RBFOX1: variants seen among roughly 807,000 people sequenced by gnomAD.
RBFOX1 encodes RNA binding protein fox-1 homolog 1.
In RBFOX1, 8 loss-of-function variants were observed where a neutral mutation model predicts 57.7. That is an observed-to-expected ratio of 0.14 (90% CI 0.08 to 0.25). The LOEUF is 0.25. RBFOX1 is among the 10% of genes least tolerant of loss of function. The pLI, the probability that RBFOX1 is intolerant of heterozygous loss-of-function variation, is 1.00. For synonymous variants in RBFOX1, 326 were observed against 222.4 expected (o/e 1.47, Z -4.15); for missense variants, 611 against 548.5 (o/e 1.11, Z -1.14).
intron 2 of RBFOX1, among the ~76,000 whole-genome samples, chr16:5,531,113 A>T (rs1008868040): frequency 3.3e-5 from 5 of 151,098 alleles, no homozygotes; most frequent in Non-Finnish European, 5.9e-5. Flanking sequence ...TGAGAAGAGC[A>T]AGACTCTATC....
intron 3 of RBFOX1, among the ~76,000 whole-genome samples, chr16:6,916,259 A>C (rs1473225664): frequency 2.0e-5 from 3 of 152,154 alleles, no homozygotes; most frequent in Admixed American, 6.5e-5. Context: ...ATTAGCATCC[A>C]AGATGGAGTC....
At chr16:6,179,976 AGATGATCATAT>A (rs1409056370) in intron 1 of RBFOX1, among the ~76,000 whole-genome samples, 13 of 152,172 alleles carry the variant, frequency 8.5e-5, no homozygotes, top group African/African-American at 3.1e-4. Context: ...GCATCTGTTG[AGATGATCATAT>A]GGTGTATGTC....
intron 4 of RBFOX1, among the ~76,000 whole-genome samples, chr16:7,129,169 C>T (rs2069489416): frequency 1.3e-5 from 2 of 152,204 alleles, no homozygotes; most frequent in East Asian, 1.9e-4. Context: ...GGATTCAAAC[C>T]AGGAAAGTCT....
intron 4 of RBFOX1, among the ~76,000 whole-genome samples, chr16:7,471,599 C>G (rs1372081009): frequency 6.6e-6 from 1 of 152,120 alleles, no homozygotes; most frequent in South Asian, 2.1e-4. Flanking sequence ...ATAATAAATT[C>G]TGAGACGGGG....
intron 2 of RBFOX1, among the ~76,000 whole-genome samples, chr16:6,652,495 C>A (rs1383712779): frequency 6.6e-6 from 1 of 151,806 alleles, no homozygotes; most frequent in Non-Finnish European, 1.5e-5. Flanking sequence ...CTCTCTCTCT[C>A]AGAAAGTATA....
At chr16:5,640,797 C>G (rs11649322) in intron 3 of RBFOX1, among the ~76,000 whole-genome samples, 75,691 of 148,842 alleles carry the variant, frequency 0.51, 22,754 homozygotes, top group Non-Finnish European at 0.69. Context: ...TGCATACACA[C>G]ACATATACAC....
chr16:6,217,884 G>T (rs750756024), intron 1 of RBFOX1, among the ~76,000 whole-genome samples: 23 of 152,102 alleles, frequency 1.5e-4, no homozygotes, highest in African/African-American at 5.1e-4. Context: ...GTATGGTGGC[G>T]CATGATTGTT....
Position 5,296,797 on chromosome 16 carries a change from G to C in RBFOX1, c.219+56692G>C, listed in dbSNP as rs543322783. Among the ~76,000 whole-genome samples the C allele has an allele frequency of 4.6e-5, 7 of 151,688 alleles. No individual in the cohort carries two copies. In the East Asian group the frequency reaches 1.2e-3, roughly 25 times the overall value. On this transcript the variant is annotated intron_variant, in intron 1 of 2. Transcript: ENST00000585867. The stretch of plus-strand genomic sequence containing the variant: ...GGGTTCAAGCAATTCTCCTGTCTCA[G>C]CCTCCTTAGTAGCTGGGATTACAGG...
At chr16:6,291,210 A>T (rs1013009552) in intron 1 of RBFOX1, among the ~76,000 whole-genome samples, 10 of 152,112 alleles carry the variant, frequency 6.6e-5, no homozygotes, top group African/African-American at 2.4e-4. Context: ...TTTTGTGCCA[A>T]CCTCTTATCT....
chr16:6,952,684 T>C (rs1377164036), intron 3 of RBFOX1, among the ~76,000 whole-genome samples: 1 of 151,662 alleles, frequency 6.6e-6, no homozygotes, highest in Non-Finnish European at 1.5e-5. Flanking sequence ...GAAAAAAAAT[T>C]ATCCTTGGTA....
intron 3 of RBFOX1, among the ~76,000 whole-genome samples, chr16:5,824,884 C>G (rs919227869): frequency 6.6e-6 from 1 of 152,186 alleles, no homozygotes; most frequent in South Asian, 2.1e-4. Flanking sequence ...GGTTTACTTT[C>G]CTGGGGGACT....
At chr16:6,549,775 G>C (rs1044419647) in intron 2 of RBFOX1, among the ~76,000 whole-genome samples, 1 of 152,064 alleles carries the variant, frequency 6.6e-6, no homozygotes, top group East Asian at 1.9e-4. Flanking sequence ...AAATGAAATA[G>C]GCAGATGTAG....
At chr16:6,124,778 T>C (rs151172576) in intron 1 of RBFOX1, among the ~76,000 whole-genome samples, 1,567 of 152,262 alleles carry the variant, frequency 0.01, 10 homozygotes, top group Non-Finnish European at 0.016. Context: ...TCTGCCCGCC[T>C]TGGCCTTCCA....
At chr16:7,567,524 TCCCTATGTATGG>T (rs2092123044) in intron 5 of RBFOX1, among the ~76,000 whole-genome samples, 2 of 122,732 alleles carry the variant, frequency 1.6e-5, no homozygotes, top group Non-Finnish European at 3.5e-5. Context: ...TATATATATA[TCCCTATGTATGG>T]CCCTATATGT....
At chr16:5,900,599 C>A (rs925916336) in intron 4 of RBFOX1, among the ~76,000 whole-genome samples, 1 of 152,180 alleles carries the variant, frequency 6.6e-6, no homozygotes, top group Non-Finnish European at 1.5e-5. Flanking sequence ...AGTTCCTCAT[C>A]CGTATTCTTC....
intron 2 of RBFOX1, among the ~76,000 whole-genome samples, chr16:6,360,753 T>C (rs2152867260): frequency 6.6e-6 from 1 of 152,296 alleles, no homozygotes. Context: ...AGCTATTCAT[T>C]TGTTTTTCTC....
intron 2 of RBFOX1, among the ~76,000 whole-genome samples, chr16:6,393,479 C>G (rs1182229275): frequency 1.3e-5 from 2 of 152,190 alleles, no homozygotes; most frequent in African/African-American, 4.8e-5. Context: ...TTTGCAAATT[C>G]TGATCCATGC....
intron 2 of RBFOX1, among the ~76,000 whole-genome samples, chr16:6,512,307 GA>G (rs2096272156): frequency 9.8e-6 from 1 of 102,126 alleles, no homozygotes; most frequent in Non-Finnish European, 2.1e-5. Flanking sequence ...AAAGGTAAGA[GA>G]AAAAGAGATT....
At chr16:7,633,711 C>G (rs1345333173) in intron 11 of RBFOX1, among the ~76,000 whole-genome samples, 2 of 152,130 alleles carry the variant, frequency 1.3e-5, no homozygotes, top group Admixed American at 6.5e-5. Context: ...CTCTGAGACC[C>G]CTCCCTCTCC....
Sources: gnomAD v4.1 joint callset for allele counts (sites outside exome capture counted in the v4.1 genomes callset) on GRCh38, gnomAD v4.1.1 for gene constraint, MANE v1.5 for transcripts, NCBI Gene and HGNC (gene_info 2026-07-23, HGNC 2026-07-21) for gene names.